Variants in DLC1 observed in about 807,000 individuals in gnomAD.
DLC1 encodes the protein DLC1 Rho GTPase activating protein.
Under a neutral mutation model 140.3 loss-of-function variants are expected in DLC1, and 54 were observed. The observed-to-expected ratio is 0.38, with a 90% confidence interval of 0.31 to 0.48. The LOEUF (loss-of-function observed/expected upper bound fraction) is 0.48, where lower values mean the gene tolerates loss of function less well. Ranked by LOEUF, DLC1 falls within the 20% of genes least tolerant of loss-of-function variation. The probability of loss-of-function intolerance (pLI) is 0.96; values close to 1 mark genes in which losing one functional copy is unlikely to be tolerated. For missense variants in DLC1, 2,536 were observed against 1,907.0 expected (o/e 1.33, Z -6.14); for synonymous variants, 986 against 728.1 (o/e 1.35, Z -5.70).
At chr8:13,420,057 A>T (rs1408070833) in intron 2 of DLC1, among the ~76,000 whole-genome samples, 1 of 151,738 alleles carries the variant, frequency 6.6e-6, no homozygotes, top group African/African-American at 2.4e-5. Flanking sequence ...ATCGGTGGTG[A>T]TATCCCCTTT....
chr8:13,195,387 C>T (rs1042644875), intron 5 of DLC1, among the ~76,000 whole-genome samples: 10 of 152,156 alleles, frequency 6.6e-5, no homozygotes, highest in South Asian at 4.1e-4. Flanking sequence ...ACAGCCGCAT[C>T]GACATTTTGA....
intron 4 of DLC1, among the ~76,000 whole-genome samples, chr8:13,380,894 C>A (rs1417463776): frequency 6.6e-6 from 1 of 152,048 alleles, no homozygotes; most frequent in Admixed American, 6.6e-5. Flanking sequence ...GATTCTTGCA[C>A]GATTTGGGAA....
At chr8:13,304,414 G>A (rs1482121318) in intron 5 of DLC1, among the ~76,000 whole-genome samples, 2 of 152,086 alleles carry the variant, frequency 1.3e-5, no homozygotes, top group South Asian at 2.1e-4. Context: ...ACACAAACTA[G>A]GAAAATTCTG....
intron 5 of DLC1, among the ~76,000 whole-genome samples, chr8:13,163,359 C>G (rs545891660): frequency 1.3e-5 from 2 of 152,220 alleles, no homozygotes; most frequent in Non-Finnish European, 2.9e-5. Context: ...GTGTTCAGTG[C>G]AAGACCTTCT....
chr8:13,451,876 G>T (rs1799075793), intron 2 of DLC1, among the ~76,000 whole-genome samples: 1 of 152,082 alleles, frequency 6.6e-6, no homozygotes, highest in Non-Finnish European at 1.5e-5. Context: ...TTTTGGGAGG[G>T]TATATACCCA....
chr8:13,186,210 G>A (rs1007974498), intron 5 of DLC1, among the ~76,000 whole-genome samples: 11 of 152,230 alleles, frequency 7.2e-5, no homozygotes, highest in South Asian at 4.1e-4. Context: ...GCTAGGTTGG[G>A]GAAGTTCTCC....
intron 1 of DLC1, among the ~76,000 whole-genome samples, chr8:13,566,636 CT>C (rs1051725426): frequency 6.6e-6 from 1 of 152,218 alleles, no homozygotes; most frequent in African/African-American, 2.4e-5. Flanking sequence ...CGTGTGCCAC[CT>C]GTCTGACCCC....
At chr8:13,349,361 G>A (rs1834526305) in intron 4 of DLC1, among the ~76,000 whole-genome samples, 2 of 151,912 alleles carry the variant, frequency 1.3e-5, no homozygotes, top group Non-Finnish European at 2.9e-5. Flanking sequence ...CTATCTTAGA[G>A]CCCTCTCAAA....
chr8:13,304,913 C>A, intron 5 of DLC1: 1 of 1,001,122 alleles, frequency 1.0e-6, no homozygotes, highest in Non-Finnish European at 1.2e-6. Context: ...GCTACTAAGT[C>A]ATTAAGAGTA....
At chr8:13,545,545 G>A (rs1221923955) in intron 1 of DLC1, among the ~76,000 whole-genome samples, 2 of 151,992 alleles carry the variant, frequency 1.3e-5, no homozygotes, top group East Asian at 3.9e-4. Flanking sequence ...CTTATTCTCT[G>A]CTCAGTCAAT....
At chr8:13,416,009 T>C (rs1199826847) in intron 2 of DLC1, among the ~76,000 whole-genome samples, 2 of 152,168 alleles carry the variant, frequency 1.3e-5, no homozygotes, top group African/African-American at 2.4e-5. Flanking sequence ...AAGTTTCTTA[T>C]TTGTGAAAAG....
intron 4 of DLC1, among the ~76,000 whole-genome samples, chr8:13,345,464 G>A (rs906824200): frequency 2.0e-5 from 3 of 151,828 alleles, no homozygotes; most frequent in African/African-American, 2.4e-5. Context: ...TTCATTTGGG[G>A]CTGAGGGAGT....
chr8:13,523,891 G>T (rs1273702979), intron 1 of DLC1, among the ~76,000 whole-genome samples: 1 of 151,536 alleles, frequency 6.6e-6, no homozygotes, highest in Admixed American at 6.6e-5. Flanking sequence ...TGTTCCCAAG[G>T]GGGAGGGGAG....
At chr8:13,161,775 A>G (rs1482831789) in intron 5 of DLC1, among the ~76,000 whole-genome samples, 1 of 152,230 alleles carries the variant, frequency 6.6e-6, no homozygotes, top group Non-Finnish European at 1.5e-5. Flanking sequence ...GCTACAGAAC[A>G]TAGAGAACAA....
At position 13,538,821 on chromosome 8, in the gene DLC1, C is replaced by G. The variant is rs1871801; in HGVS notation, c.-125-38625G>C. On this transcript the variant is annotated intron_variant, in intron 1 of 1. Transcript: ENST00000631382. ...TTACAATAACCTCACTGTATGTGAGCAAAATATTGCTTGAAGAAATAGTCC... is the reference window on the plus strand; with the variant it reads ...TTACAATAACCTCACTGTATGTGAGGAAAATATTGCTTGAAGAAATAGTCC... Among the ~76,000 whole-genome samples, 330 of 152,296 alleles carry G rather than the reference C, an allele frequency of 2.2e-3. 7 individuals carry two copies. The highest frequency in any genetic ancestry group is 0.02 in the East Asian group (101 of 5,176).
chr8:13,305,263 A>G lies in DLC1; in HGVS notation c.1348+6T>C. 1 of 1,609,556 alleles carries G rather than the reference A, an allele frequency of 6.2e-7. No homozygotes were observed. The highest frequency in any genetic ancestry group is 8.5e-7 in the Non-Finnish European group (1 of 1,177,926). ...GCGAGAAAACAGAACCAAAATGTCA[A>G]CTTACCAGCCTTTTCCTTCTCTGAA... is the stretch of plus-strand genomic sequence containing the variant. On this transcript the variant is annotated splice_donor_region_variant and intron_variant, in intron 5 of 17. Transcript: ENST00000276297.
chr8:13,599,696 G>A (rs1805805830), intron 1 of DLC1, among the ~76,000 whole-genome samples: 1 of 151,868 alleles, frequency 6.6e-6, no homozygotes, highest in Admixed American at 6.6e-5. Context: ...TGGATTGGAA[G>A]ACTCAATATT....
intron 1 of DLC1, among the ~76,000 whole-genome samples, chr8:13,537,648 CTTTTTTTTT>C (rs3066420): frequency 1.1e-5 from 1 of 90,346 alleles, no homozygotes; most frequent in Non-Finnish European, 2.0e-5. Flanking sequence ...ACAGCTAACT[CTTTTTTTTT>C]TTTTTTTTTT....
At chr8:13,439,268 G>C (rs1469868345) in intron 2 of DLC1, among the ~76,000 whole-genome samples, 2 of 152,098 alleles carry the variant, frequency 1.3e-5, no homozygotes, top group East Asian at 3.9e-4. Flanking sequence ...AGGTTGCAGT[G>C]AGCAGAGATT....
Sources: allele counts gnomAD v4.1 joint callset (sites outside exome capture counted in the v4.1 genomes callset), GRCh38; gene constraint gnomAD v4.1.1; transcripts MANE v1.5; gene names NCBI Gene and HGNC (gene_info 2026-07-23, HGNC 2026-07-21).